Variants in FRAS1 observed in about 807,000 individuals in gnomAD.
The protein encoded by FRAS1 is Fraser extracellular matrix complex subunit 1, also known as extracellular matrix organizing protein FRAS1.
In FRAS1, 290 loss-of-function variants were observed where a neutral mutation model predicts 435.2. That is an observed-to-expected ratio of 0.67 (90% CI 0.61 to 0.73). FRAS1 has a LOEUF of 0.73. Among genes scored for constraint, FRAS1 ranks in the 30% least tolerant of loss-of-function variants. The pLI is 0.00. For synonymous variants in FRAS1, 1,800 were observed against 1,851.0 expected (o/e 0.97, Z 0.71); for missense variants, 4,860 against 5,001.5 (o/e 0.97, Z 0.85).
Position 78,122,125 on chromosome 4 carries a change from CT to C in FRAS1, c.108+56110del, listed in dbSNP as rs561123636. 5.0e-3 allele frequency among the ~76,000 whole-genome samples: 768 copies of C among 152,262 alleles called. 5 individuals carry two copies. Among genetic ancestry groups the C allele is most frequent in the African/African-American group, 0.018 (733 of 41,544 alleles). On this transcript the variant is annotated intron_variant, in intron 2 of 73. Coordinates refer to ENST00000512123, the MANE Select transcript of FRAS1 (RefSeq NM_025074.7). ...TATTTCTCCTAATGTTATCTATCCC[CT>C]AGCCCCCCATCCCCCACAGGCCCCA...
intron 2 of FRAS1, among the ~76,000 whole-genome samples, chr4:78,199,351 A>C (rs1274002989): frequency 3.3e-5 from 5 of 152,206 alleles, no homozygotes; most frequent in African/African-American, 1.2e-4. Context: ...GCAAGTAGTT[A>C]TCTCTCCAGA....
At chr4:78,339,202 A>G (rs1400044703) in intron 20 of FRAS1, among the ~76,000 whole-genome samples, 1 of 152,210 alleles carries the variant, frequency 6.6e-6, no homozygotes, top group African/African-American at 2.4e-5. Flanking sequence ...AGGGGCTGTT[A>G]TTACAGTTTG....
At chr4:78,298,393 CACAAT>C (rs1182749608) in intron 14 of FRAS1, among the ~76,000 whole-genome samples, 1 of 151,354 alleles carries the variant, frequency 6.6e-6, no homozygotes, top group African/African-American at 2.4e-5. Flanking sequence ...CTTAAATATA[CACAAT>C]ACAATTTATT....
chr4:78,117,634 G>T (rs1010414324), intron 2 of FRAS1, among the ~76,000 whole-genome samples: 4 of 152,000 alleles, frequency 2.6e-5, no homozygotes, highest in Admixed American at 2.6e-4. Flanking sequence ...AGCTACTGAG[G>T]CTTGCATTCA....
intron 20 of FRAS1, among the ~76,000 whole-genome samples, chr4:78,346,684 T>C (rs1459574298): frequency 6.6e-6 from 1 of 152,210 alleles, no homozygotes; most frequent in African/African-American, 2.4e-5. Flanking sequence ...GTTTAGAAGA[T>C]TTATATTATC....
chr4:78,337,957 T>G (rs761724534), intron 20 of FRAS1, 140 bp downstream of exon 20: 40 of 748,582 alleles, frequency 5.3e-5, no homozygotes, highest in Non-Finnish European at 8.2e-5. Flanking sequence ...GAAACTCATG[T>G]TACTGCTTCT....
At chr4:78,474,972 C>T (rs1429514913) in intron 53 of FRAS1, among the ~76,000 whole-genome samples, 1 of 152,208 alleles carries the variant, frequency 6.6e-6, no homozygotes, top group Non-Finnish European at 1.5e-5. Flanking sequence ...CATTTTCTTA[C>T]CTCTGCTTCT....
At position 78,448,055 on chromosome 4, in the gene FRAS1, C is replaced by T; in HGVS notation, c.6013C>T (p.His2005Tyr). The change falls in exon 44 of 74, where the codon CAT becomes TAT. Residue 2005 changes from histidine to tyrosine, a missense_variant and splice_region_variant. His to Tyr is a moderately conservative substitution (Grantham distance 83). Transcript: ENST00000512123. ...CTTTTCTTTACCTCTTCCCTCAGGTCATGTACTCTGGAGGCAAACTGCTTC... is the reference window on the plus strand; with the variant it reads ...CTTTTCTTTACCTCTTCCCTCAGGTTATGTACTCTGGAGGCAAACTGCTTC... ...FVLTKKPDHG[H>Y]VLWRQTASEP... is the part of the protein sequence containing the mutation. The T allele has an allele frequency of 6.2e-7, 1 of 1,606,076 alleles. No individual in the cohort carries two copies. The highest frequency in any genetic ancestry group is 8.5e-7 in the Non-Finnish European group (1 of 1,175,620).
chr4:78,399,683 G>C (rs1297372523), intron 29 of FRAS1, among the ~76,000 whole-genome samples: 4 of 152,314 alleles, frequency 2.6e-5, no homozygotes, highest in South Asian at 2.1e-4. Flanking sequence ...ATCAGGTCCT[G>C]TCAGTTCTGC....
chr4:78,082,047 A>T (rs764193723), intron 2 of FRAS1, among the ~76,000 whole-genome samples: 1 of 152,122 alleles, frequency 6.6e-6, no homozygotes, highest in Admixed American at 6.6e-5. Flanking sequence ...AAAATATTAT[A>T]TCTAACATTT....
chr4:78,112,854 T>G (rs1026289261), intron 2 of FRAS1, among the ~76,000 whole-genome samples: 4 of 152,140 alleles, frequency 2.6e-5, no homozygotes, highest in Non-Finnish European at 5.9e-5. Flanking sequence ...TACTTTAAGT[T>G]TTAGGGTACA....
At chr4:78,402,472 G>A (rs1732928788) in intron 30 of FRAS1, among the ~76,000 whole-genome samples, 1 of 151,942 alleles carries the variant, frequency 6.6e-6, no homozygotes, top group African/African-American at 2.4e-5. Flanking sequence ...GAAAATGGCA[G>A]GTATAAGGTC....
chr4:78,512,413 G>A (rs571706749), intron 64 of FRAS1, among the ~76,000 whole-genome samples: 1 of 152,128 alleles, frequency 6.6e-6, no homozygotes, highest in East Asian at 1.9e-4. Flanking sequence ...CACTTCCAGG[G>A]TTCTGATTCT....
chr4:78,244,153 T>C (rs1725132928), intron 3 of FRAS1, among the ~76,000 whole-genome samples: 1 of 152,202 alleles, frequency 6.6e-6, no homozygotes. Flanking sequence ...CTTAGTCCTA[T>C]TTCCCATCCA....
At chr4:78,475,900 G>T (rs1380735831) in intron 54 of FRAS1, among the ~76,000 whole-genome samples, 2 of 152,148 alleles carry the variant, frequency 1.3e-5, no homozygotes. Context: ...TTCAGCTTTG[G>T]TATCCCAACC....
At chr4:78,290,461 CTTT>C (rs34589369) in intron 14 of FRAS1, among the ~76,000 whole-genome samples, 3 of 145,200 alleles carry the variant, frequency 2.1e-5, no homozygotes, top group Admixed American at 6.8e-5. Flanking sequence ...TTCTTTCTTT[CTTT>C]TTTTTTTTTT....
chr4:78,303,473 A>T (rs1318662127), intron 14 of FRAS1, among the ~76,000 whole-genome samples: 1 of 152,188 alleles, frequency 6.6e-6, no homozygotes, highest in Non-Finnish European at 1.5e-5. Flanking sequence ...CACGATATTG[A>T]TTCTTCCTAC....
At chr4:78,097,541 A>G (rs1166664766) in intron 2 of FRAS1, among the ~76,000 whole-genome samples, 3 of 152,222 alleles carry the variant, frequency 2.0e-5, no homozygotes, top group Non-Finnish European at 4.4e-5. Flanking sequence ...TCTCACAATC[A>G]TGGTGGAAGG....
intron 9 of FRAS1, among the ~76,000 whole-genome samples, chr4:78,278,056 C>T (rs1485903325): frequency 6.6e-6 from 1 of 152,192 alleles, no homozygotes; most frequent in East Asian, 1.9e-4. Flanking sequence ...GCCTCGGCCT[C>T]CCAAAGTGCT....
Sources: allele counts gnomAD v4.1 joint callset (sites outside exome capture counted in the v4.1 genomes callset), GRCh38; gene constraint gnomAD v4.1.1; transcripts MANE v1.5; gene names NCBI Gene and HGNC (gene_info 2026-07-23, HGNC 2026-07-21).